PPP5C: variants seen among roughly 807,000 people sequenced by gnomAD.
The protein encoded by PPP5C is serine/threonine-protein phosphatase 5.
A neutral mutation model predicts 66.7 loss-of-function variants in PPP5C; 21 were observed. The observed-to-expected ratio is 0.31, with a 90% CI of 0.22 to 0.45. The LOEUF (loss-of-function observed/expected upper bound fraction) is 0.45. Ranked by LOEUF, PPP5C falls within the 20% of genes least tolerant of loss-of-function variation. The pLI is 1.00. For missense variants in PPP5C, 464 were observed against 675.9 expected (o/e 0.69, Z 3.48); for synonymous variants, 246 against 257.4 (o/e 0.96, Z 0.43).
intron 2 of PPP5C, among the ~76,000 whole-genome samples, chr19:46,369,631 CAAAA>C (rs34783979): frequency 8.4e-6 from 1 of 119,138 alleles, no homozygotes; most frequent in Non-Finnish European, 1.8e-5. Flanking sequence ...GACTCTGTCT[CAAAA>C]AAAAAAAAAA....
chr19:46,369,476 C>T (rs1972546343), intron 2 of PPP5C, among the ~76,000 whole-genome samples: 1 of 151,290 alleles, frequency 6.6e-6, no homozygotes, highest in African/African-American at 2.4e-5. Context: ...ACTAAATATA[C>T]AAAAAATTAG....
At chr19:46,387,342 C>A in intron 8 of PPP5C, 24 bp from the exon 9 acceptor site, 1 of 1,606,730 alleles carries the variant, frequency 6.2e-7, no homozygotes, top group Non-Finnish European at 8.5e-7. Context: ...CCTTCCCTCA[C>A]AGCGGCATCC....
intron 2 of PPP5C, among the ~76,000 whole-genome samples, chr19:46,374,915 A>G (rs763626546): frequency 6.6e-6 from 1 of 152,102 alleles, no homozygotes; most frequent in Non-Finnish European, 1.5e-5. Context: ...TGGGATTTGA[A>G]CCCGGTCTCA....
intron 2 of PPP5C, among the ~76,000 whole-genome samples, chr19:46,356,258 C>A (rs1972285100): frequency 6.6e-6 from 1 of 152,252 alleles, no homozygotes; most frequent in South Asian, 2.1e-4. Context: ...GGGACCCCCA[C>A]ATGAACATGA....
chr19:46,352,260 C>G (rs1204701785), intron 1 of PPP5C, among the ~76,000 whole-genome samples: 1 of 152,190 alleles, frequency 6.6e-6, no homozygotes, highest in African/African-American at 2.4e-5. Context: ...AAGAAGGACT[C>G]TCGGAGTGCT....
At chr19:46,390,178 G>A (rs1158646547) in intron 12 of PPP5C, 46 bp downstream of exon 12, 1 of 1,610,686 alleles carries the variant, frequency 6.2e-7, no homozygotes, top group East Asian at 2.2e-5. Context: ...CCGGCCTGGG[G>A]ACAAGGAGGC....
rs901681689 is a variant in PPP5C, at chr19:46,374,815, T to C, written c.364-789T>C. On this transcript the variant is annotated intron_variant, in intron 2 of 12. Transcript: ENST00000012443. Reference sequence around the variant, plus strand: ...CAGTGGCCCTCTTGAGGGAGATATATATGGTTCTCAGTCCCACCTCAGAGA... The same window carrying C: ...CAGTGGCCCTCTTGAGGGAGATATACATGGTTCTCAGTCCCACCTCAGAGA... Among the ~76,000 whole-genome samples the C allele has an allele frequency of 2.0e-5, 3 of 152,072 alleles. 1 individual carries two copies. Among genetic ancestry groups the C allele is most frequent in the Admixed American group, 2.0e-4 (3 of 15,278 alleles).
In PPP5C at chr19:46,375,677, A is replaced by T; in HGVS notation, c.437A>T (p.Lys146Met). The change falls in exon 3 of 13, where the codon AAG becomes ATG. Residue 146 changes from lysine to methionine, a missense_variant. This residue lies in a region of PPP5C where 387 missense variants were observed against 626.0 expected (regional missense o/e 0.62). Coordinates refer to ENST00000012443, the MANE Select transcript of PPP5C (RefSeq NM_006247.4). ...YQECNKIVKQ[K>M]AFERAIAGDE... ...GAGTGCAACAAGATCGTGAAGCAGA[A>T]GGCCTTTGAGCGGGCCATCGCGGGC... The T allele has an allele frequency of 1.2e-6, 2 of 1,613,770 alleles. No homozygotes were observed. Among genetic ancestry groups the T allele is most frequent in the Non-Finnish European group, 1.7e-6 (2 of 1,179,780 alleles).
chr19:46,363,904 G>T (rs895657744), intron 2 of PPP5C, among the ~76,000 whole-genome samples: 5 of 152,174 alleles, frequency 3.3e-5, no homozygotes, highest in African/African-American at 9.7e-5. Flanking sequence ...AAAGAGAATA[G>T]AGCTTTAGAC....
Position 46,376,746 on chromosome 19 carries a change from G to A in PPP5C, c.633+172G>A, listed in dbSNP as rs537320536. 7 of 909,516 alleles carry A rather than the reference G, an allele frequency of 7.7e-6. No homozygotes were observed. Among genetic ancestry groups the A allele is most frequent in the African/African-American group, 5.1e-5 (3 of 59,242 alleles). The allele number at this position is 909,516 out of a possible 1,614,324, so 56.3% of individuals were successfully genotyped here. A position where few individuals can be genotyped will look rare whatever the true frequency, so the allele number is the denominator to read the frequency against. On this transcript the variant is annotated intron_variant, in intron 4 of 12. Transcript: ENST00000012443. The surrounding 1 kb of genome is among the most constrained non-coding windows in gnomAD (Gnocchi z 5.1). ...AGGGCTTACCACATGATCTCATCTC[G>A]TCCCACAGCAGTTTGGGGAGGTGGC...
Position 46,384,884 on chromosome 19 carries a change from C to T in PPP5C, c.879C>T (p.Tyr293=). Residue 293 remains tyrosine (Y), a synonymous_variant, in exon 7 of 13, where the codon TAC becomes TAT. Transcript: ENST00000012443. ...CCCTTTTCGGCTTCAAGCTCCTGTA[C>T]CCAGATCACTTTCACCTCCTTCGAG... ...ILTLFGFKLL[Y]PDHFHLLRGN... 5 of 1,614,000 alleles carry T rather than the reference C, an allele frequency of 3.1e-6. No homozygotes were observed. Among genetic ancestry groups the T allele is most frequent in the Non-Finnish European group, 4.2e-6 (5 of 1,179,872 alleles).
intron 2 of PPP5C, among the ~76,000 whole-genome samples, chr19:46,360,340 A>G (rs1253272432): frequency 6.6e-6 from 1 of 152,204 alleles, no homozygotes; most frequent in African/African-American, 2.4e-5. Flanking sequence ...ACCATTTCCT[A>G]CGTGACAATA....
At position 46,384,785 on chromosome 19, in the gene PPP5C, G is replaced by A. The variant is rs775857658; in HGVS notation, c.799-19G>A. 23 of 1,595,582 alleles carry A rather than the reference G, an allele frequency of 1.4e-5. No individual in the cohort carries two copies. Among genetic ancestry groups the A allele is most frequent in the East Asian group, 6.7e-5 (3 of 44,780 alleles). The stretch of plus-strand genomic sequence containing the variant: ...CACCCTTCCCCTCCACGCTTGCCAT[G>A]TTTTCCTCAGCAGGACAGATATTTA... On this transcript the variant is annotated intron_variant, in intron 6 of 12. Transcript: ENST00000012443.
chr19:46,386,999 A>G, intron 7 of PPP5C, 94 bp from the exon 8 acceptor site: 1 of 1,561,694 alleles, frequency 6.4e-7, no homozygotes, highest in South Asian at 1.1e-5. Context: ...GGGGCAAGGG[A>G]CGCATGCACA....
At chr19:46,356,654 C>T (rs1972292296) in intron 2 of PPP5C, among the ~76,000 whole-genome samples, 1 of 152,234 alleles carries the variant, frequency 6.6e-6, no homozygotes, top group Non-Finnish European at 1.5e-5. Context: ...CTAGTCCATG[C>T]TTGTAACTGT....
intron 2 of PPP5C, among the ~76,000 whole-genome samples, chr19:46,375,113 A>G (rs1972668538): frequency 6.6e-6 from 1 of 151,792 alleles, no homozygotes; most frequent in Non-Finnish European, 1.5e-5. Context: ...GCCCTGTGTC[A>G]CCTCCCTGTT....
In PPP5C at chr19:46,390,917, C is replaced by A; in HGVS notation, c.*571C>A. 8.5e-7 allele frequency: 1 copy of A among 1,173,730 alleles called. No homozygotes were observed. Among genetic ancestry groups the A allele is most frequent in the Non-Finnish European group, 1.1e-6 (1 of 931,176 alleles). 72.7% of individuals were successfully genotyped at this position (1,173,730 alleles called of 1,614,324 possible). Reference sequence around the variant, plus strand: ...TTGGGTTACGCCTGCTCAGGAGATCCGGAGGGTGGGGAGGCCGCAAAGTCC... The same window carrying A: ...TTGGGTTACGCCTGCTCAGGAGATCAGGAGGGTGGGGAGGCCGCAAAGTCC... On this transcript the variant is annotated 3_prime_UTR_variant, in exon 13 of 13. Transcript: ENST00000012443.
rs1480202371 is a variant in PPP5C, at chr19:46,390,694, G to A, written c.*348G>A. The A allele has an allele frequency of 6.7e-6, 8 of 1,200,414 alleles. No individual in the cohort carries two copies. Among genetic ancestry groups the A allele is most frequent in the South Asian group, 1.8e-5 (1 of 54,532 alleles). The allele number at this position is 1,200,414 out of a possible 1,614,324, so 74.4% of individuals were successfully genotyped here. The stretch of plus-strand genomic sequence containing the variant: ...TCCCCCACTCAAGCAATAGGGCCCC[G>A]CCATAGGAAGACCCCCAGAGAGAGG... On this transcript the variant is annotated 3_prime_UTR_variant, in exon 13 of 13. Coordinates refer to ENST00000012443, the MANE Select transcript of PPP5C (RefSeq NM_006247.4).
intron 11 of PPP5C, among the ~76,000 whole-genome samples, chr19:46,389,252 A>C (rs1972948841): frequency 6.6e-6 from 1 of 151,606 alleles, no homozygotes; most frequent in South Asian, 2.1e-4. Context: ...CGAACCCGGG[A>C]GGTAGAGGTT....
Sources: gnomAD v4.1 joint callset for allele counts (sites outside exome capture counted in the v4.1 genomes callset) on GRCh38, gnomAD v4.1.1 for gene constraint, gnomAD v4.1.1 regional missense constraint, Gnocchi (gnomAD v3.1) non-coding constraint, MANE v1.5 for transcripts, NCBI Gene and HGNC (gene_info 2026-07-23, HGNC 2026-07-21) for gene names.